MYO7B: variants seen among roughly 807,000 people sequenced by gnomAD.
MYO7B encodes unconventional myosin-VIIb.
MYO7B carries 212 observed loss-of-function variants against 259.7 expected under a neutral mutation model. The observed-to-expected ratio is 0.82, with a 90% CI of 0.73 to 0.91. The LOEUF (loss-of-function observed/expected upper bound fraction) is 0.91. Among genes scored for constraint, MYO7B ranks in the 40% least tolerant of loss-of-function variants. The pLI, the probability that MYO7B is intolerant of heterozygous loss-of-function variation, is 0.00. For missense variants in MYO7B, 2,732 were observed against 2,813.5 expected (o/e 0.97, Z 0.66); for synonymous variants, 1,197 against 1,166.4 (o/e 1.03, Z -0.54).
intron 18 of MYO7B, among the ~76,000 whole-genome samples, chr2:127,595,037 CA>C (rs1044422289): frequency 7.9e-5 from 12 of 151,058 alleles, no homozygotes; most frequent in South Asian, 2.1e-4. Context: ...GGAATAGTTT[CA>C]AAAAAAAGGG....
At chr2:127,596,809 C>T (rs1471388196) in intron 19 of MYO7B, among the ~76,000 whole-genome samples, 2 of 152,246 alleles carry the variant, frequency 1.3e-5, no homozygotes, top group African/African-American at 4.8e-5. Context: ...AAGGGGCAGC[C>T]CCGCTCTCAA....
intron 5 of MYO7B, among the ~76,000 whole-genome samples, chr2:127,568,588 C>T (rs982873461): frequency 2.0e-5 from 3 of 152,150 alleles, no homozygotes; most frequent in Admixed American, 6.5e-5. Flanking sequence ...GTATTTTGAT[C>T]ATAACTTTTA....
intron 1 of MYO7B, among the ~76,000 whole-genome samples, chr2:127,538,477 A>G (rs547397750): frequency 8.0e-4 from 122 of 152,112 alleles, no homozygotes; most frequent in African/African-American, 2.8e-3. Flanking sequence ...AGTGCAACCT[A>G]GAGGGTCTTG....
chr2:127,618,184 T>C (rs919172732), intron 26 of MYO7B, among the ~76,000 whole-genome samples: 15 of 152,350 alleles, frequency 9.8e-5, no homozygotes, highest in African/African-American at 3.6e-4. Flanking sequence ...AATTTGCCAC[T>C]GTTACTACTT....
At position 127,623,271 on chromosome 2, in the gene MYO7B, G is replaced by A. The variant is rs369791633; in HGVS notation, c.3715G>A (p.Val1239Met). ...CACTGGAGAGAGCCTAACCGTCCCC[G>A]TGGACTCAGCCTCCACATCTCGGGA... is the stretch of plus-strand genomic sequence containing the variant. Reference protein sequence around the residue: ...LATGESLTVPVDSASTSREMC... With the variant: ...LATGESLTVPMDSASTSREMC... Residue 1239 changes from valine to methionine, a missense_variant, in exon 29 of 48, where the codon GTG (valine) becomes ATG (methionine). By Grantham distance (21) the Val-to-Met change is conservative. This residue lies in a region of MYO7B where 1,906 missense variants were observed against 2,026.4 expected (regional missense o/e 0.94). Transcript: ENST00000409816. 39 of 1,613,458 alleles carry A rather than the reference G, an allele frequency of 2.4e-5. No individual in the cohort carries two copies. Among genetic ancestry groups the A allele is most frequent in the Middle Eastern group, 1.6e-4 (1 of 6,080 alleles).
intron 42 of MYO7B, 131 bp downstream of exon 42, chr2:127,634,814 C>T: frequency 3.2e-6 from 3 of 939,194 alleles, no homozygotes; most frequent in Non-Finnish European, 4.9e-6. Flanking sequence ...GTGGGAACAA[C>T]CAGGCCCTGG....
In MYO7B at chr2:127,629,834, G is replaced by A; in HGVS notation, c.4806+8G>A. 6.5e-7 allele frequency: 1 copy of A among 1,548,570 alleles called. No homozygotes were observed. Among genetic ancestry groups the A allele is most frequent in the Non-Finnish European group, 8.7e-7 (1 of 1,145,070 alleles). ...CCCTCGGCACAGCTGCTGGTAACTG[G>A]CACGCTCCCCTGTCCTCAGCCTGGG... On this transcript the variant is annotated splice_region_variant and intron_variant, in intron 35 of 47. Transcript: ENST00000409816.
At chr2:127,578,474 T>G (rs1292741277) in intron 9 of MYO7B, among the ~76,000 whole-genome samples, 188 bp downstream of exon 9, 1 of 152,134 alleles carries the variant, frequency 6.6e-6, no homozygotes, top group Non-Finnish European at 1.5e-5. Context: ...TGTCAAAGCT[T>G]AAGGCTCTCC....
chr2:127,630,916 C>G lies in MYO7B; in HGVS notation c.4937+8C>G. On this transcript the variant is annotated splice_region_variant and intron_variant, in intron 36 of 47. Coordinates refer to ENST00000409816, the MANE Select transcript of MYO7B (RefSeq NM_001393586.1). ...CTCCTATGAGTTCTTCAGGTGCCCC[C>G]CAGCCCCGCTCCGCCTCATTGCACC... The G allele has an allele frequency of 6.4e-7, 1 of 1,560,084 alleles. No homozygotes were observed. The highest frequency in any genetic ancestry group is 8.7e-7 in the Non-Finnish European group (1 of 1,151,566).
chr2:127,619,027 G>T (rs1680703596), intron 26 of MYO7B, among the ~76,000 whole-genome samples: 1 of 148,660 alleles, frequency 6.7e-6, no homozygotes, highest in Admixed American at 6.7e-5. Flanking sequence ...GGTTGTGGGG[G>T]CTGGCTGAAT....
chr2:127,582,429 A>C lies in MYO7B; in HGVS notation c.1326A>C (p.Glu442Asp), dbSNP rs770518631. Residue 442 changes from glutamate (E) to aspartate (D), a missense_variant, in exon 12 of 48, where the codon GAA becomes GAC. Physicochemically the swap from Glu to Asp is conservative, Grantham distance 45. This residue lies in a region of MYO7B where 1,906 missense variants were observed against 2,026.4 expected (regional missense o/e 0.94). Transcript: ENST00000409816. Reference protein sequence around the residue: ...AIGLLDIFGFENFENNSFEQL... With the variant: ...AIGLLDIFGFDNFENNSFEQL... ...GCCTCCTGGACATATTTGGCTTTGAAAATTTCGAGAACAATAGGTATGAAG... is the reference window on the plus strand; with the variant it reads ...GCCTCCTGGACATATTTGGCTTTGACAATTTCGAGAACAATAGGTATGAAG... 1 of 1,613,160 alleles carries C rather than the reference A, an allele frequency of 6.2e-7. No individual in the cohort carries two copies. Among genetic ancestry groups the C allele is most frequent in the Non-Finnish European group, 8.5e-7 (1 of 1,179,652 alleles).
chr2:127,609,404 A>C lies in MYO7B; in HGVS notation c.2815-102A>C. On this transcript the variant is annotated intron_variant, in intron 22 of 47. Transcript: ENST00000409816. The surrounding 1 kb of genome is among the most constrained non-coding windows in gnomAD (Gnocchi z 6.9). ...CTCCAGCACCTGAGGGATCAGGGTA[A>C]TGCAACAGCCCCCGTGCTGCCCGGC... 9.4e-7 allele frequency: 1 copy of C among 1,065,326 alleles called. No homozygotes were observed. Among genetic ancestry groups the C allele is most frequent in the Non-Finnish European group, 1.4e-6 (1 of 719,764 alleles). The allele number at this position is 1,065,326 out of a possible 1,614,324, so 66.0% of individuals were successfully genotyped here. A position where few individuals can be genotyped will look rare whatever the true frequency, so the allele number is the denominator to read the frequency against.
chr2:127,574,405 T>C (rs1484382292), intron 7 of MYO7B, among the ~76,000 whole-genome samples: 2 of 152,050 alleles, frequency 1.3e-5, no homozygotes, highest in African/African-American at 4.8e-5. Flanking sequence ...AGCTAGGCAG[T>C]GGCACACGCC....
chr2:127,560,487 G>A (rs1209392049), intron 2 of MYO7B, among the ~76,000 whole-genome samples: 1 of 152,144 alleles, frequency 6.6e-6, no homozygotes, highest in Non-Finnish European at 1.5e-5. Context: ...CCTGTGTTCC[G>A]GTGGCCAAGA....
rs984161786 is a variant in MYO7B at position 127,607,564 on chromosome 2, C to T, written c.2643+140C>T. On this transcript the variant is annotated intron_variant, in intron 21 of 47. Transcript: ENST00000409816. The surrounding 1 kb of genome is among the most constrained non-coding windows in gnomAD (Gnocchi z 4.4). The stretch of plus-strand genomic sequence containing the variant: ...CCCCCGCCCCCGCCACAAGCCAAGA[C>T]GTTAAAATCTGTTCAATTACTCAAG... The T allele has an allele frequency of 2.2e-5, 16 of 723,082 alleles. No individual in the cohort carries two copies. Among genetic ancestry groups the T allele is most frequent in the African/African-American group, 9.0e-5 (5 of 55,760 alleles). The allele number at this position is 723,082 out of a possible 1,614,324, so 44.8% of individuals were successfully genotyped here. A position where few individuals can be genotyped will look rare whatever the true frequency, so the allele number is the denominator to read the frequency against.
chr2:127,598,841 C>T (rs1679860532), intron 19 of MYO7B, among the ~76,000 whole-genome samples: 1 of 152,168 alleles, frequency 6.6e-6, no homozygotes, highest in Non-Finnish European at 1.5e-5. Context: ...GTCTATCCTT[C>T]CTTCAATGAA....
chr2:127,580,238 G>T (rs572982138), intron 9 of MYO7B, among the ~76,000 whole-genome samples: 1 of 152,306 alleles, frequency 6.6e-6, no homozygotes, highest in African/African-American at 2.4e-5. Flanking sequence ...TAAGCTGGAC[G>T]TTGGTTGAAG....
At position 127,584,399 on chromosome 2, in the gene MYO7B, A is replaced by C; in HGVS notation, c.1554+67A>C. 1 of 1,542,694 alleles carries C rather than the reference A, an allele frequency of 6.5e-7. No homozygotes were observed. Among genetic ancestry groups the C allele is most frequent in the Non-Finnish European group, 8.9e-7 (1 of 1,123,162 alleles). ...TATGGGTCTCCTCTTGGAGGCTGGG[A>C]AACTCCATTTGGGTGGGCCACTTGT... On this transcript the variant is annotated intron_variant, in intron 13 of 47. Transcript: ENST00000409816. The surrounding 1 kb of genome is among the most constrained non-coding windows in gnomAD (Gnocchi z 5.8).
At chr2:127,556,861 G>A (rs1011633951) in intron 1 of MYO7B, among the ~76,000 whole-genome samples, 2 of 152,188 alleles carry the variant, frequency 1.3e-5, no homozygotes, top group African/African-American at 4.8e-5. Context: ...TGATGACAAT[G>A]TGCCTAGGTG....
Sources: gnomAD v4.1 joint callset for allele counts (sites outside exome capture counted in the v4.1 genomes callset) on GRCh38, gnomAD v4.1.1 for gene constraint, gnomAD v4.1.1 regional missense constraint, Gnocchi (gnomAD v3.1) non-coding constraint, MANE v1.5 for transcripts, NCBI Gene and HGNC (gene_info 2026-07-23, HGNC 2026-07-21) for gene names.